The following EPHA6 variants were observed in gnomAD, a reference collection of about 807,000 sequenced individuals.
The protein encoded by EPHA6 is ephrin type-A receptor 6.
In EPHA6, 50 loss-of-function variants were observed where a neutral mutation model predicts 112.0. The observed-to-expected ratio is 0.45, with a 90% CI of 0.36 to 0.56. The LOEUF (loss-of-function observed/expected upper bound fraction) is 0.56, where lower values mean the gene tolerates loss of function less well. EPHA6 is among the 20% of genes least tolerant of loss of function. EPHA6 has a pLI of 0.00. For missense variants in EPHA6, 1,280 were observed against 1,417.4 expected (o/e 0.90, Z 1.56); for synonymous variants, 529 against 490.7 (o/e 1.08, Z -1.03).
intron 3 of EPHA6, among the ~76,000 whole-genome samples, chr3:97,082,004 A>T (rs867448194): frequency 6.6e-6 from 1 of 151,864 alleles, no homozygotes; most frequent in African/African-American, 2.4e-5. Flanking sequence ...TAAAATAAGC[A>T]TATATCATTT....
At chr3:97,577,708 GA>G (rs1024267510) in intron 11 of EPHA6, among the ~76,000 whole-genome samples, 23 of 152,082 alleles carry the variant, frequency 1.5e-4, no homozygotes, top group African/African-American at 5.1e-4. Flanking sequence ...TAGATAATAG[GA>G]AAAGCAAAAA....
chr3:97,261,945 C>T (rs1210631881), intron 5 of EPHA6, among the ~76,000 whole-genome samples: 1 of 152,142 alleles, frequency 6.6e-6, no homozygotes, highest in African/African-American at 2.4e-5. Flanking sequence ...AGAGTGAGCT[C>T]TTAACCATTA....
intron 5 of EPHA6, among the ~76,000 whole-genome samples, chr3:97,353,213 A>T (rs1349655400): frequency 6.6e-6 from 1 of 151,804 alleles, no homozygotes; most frequent in Admixed American, 6.6e-5. Flanking sequence ...GACCCAGCGC[A>T]TTCCCAGTGG....
intron 3 of EPHA6, among the ~76,000 whole-genome samples, chr3:97,047,271 C>A (rs1218087174): frequency 6.6e-6 from 1 of 151,714 alleles, no homozygotes; most frequent in Admixed American, 6.6e-5. Flanking sequence ...GAGGCCAAGG[C>A]GGGTGGATCA....
At chr3:97,407,116 G>A (rs950451187) in intron 6 of EPHA6, among the ~76,000 whole-genome samples, 1 of 151,752 alleles carries the variant, frequency 6.6e-6, no homozygotes, top group Non-Finnish European at 1.5e-5. Flanking sequence ...TCTAAGTTAG[G>A]ATAAATCATA....
At chr3:97,600,435 C>A (rs561944416) in intron 12 of EPHA6, among the ~76,000 whole-genome samples, 1 of 151,116 alleles carries the variant, frequency 6.6e-6, no homozygotes, top group Non-Finnish European at 1.5e-5. Context: ...TTTTGAAATA[C>A]GTCCCATCAA....
intron 10 of EPHA6, among the ~76,000 whole-genome samples, chr3:97,491,148 G>T (rs1251013045): frequency 6.6e-6 from 1 of 152,094 alleles, no homozygotes; most frequent in Non-Finnish European, 1.5e-5. Context: ...CCATAAATAT[G>T]ATACTAGACC....
At chr3:97,395,379 G>A (rs1188093364) in intron 5 of EPHA6, among the ~76,000 whole-genome samples, 1 of 151,690 alleles carries the variant, frequency 6.6e-6, no homozygotes, top group East Asian at 1.9e-4. Context: ...ACAAAATATA[G>A]GTCAGAAGTA....
rs376915699 is a variant in EPHA6 at position 96,885,335 on chromosome 3, T to C, written c.450+18446T>C. Among the ~76,000 whole-genome samples, 133 of 152,282 alleles carry C rather than the reference T, an allele frequency of 8.7e-4. 5 individuals are homozygous for C. The South Asian group carries it at 0.027, about 31-fold the overall frequency. On this transcript the variant is annotated intron_variant, in intron 2 of 17. Coordinates refer to ENST00000389672, the MANE Select transcript of EPHA6 (RefSeq NM_001080448.3). ...CTTCTTTGAATGTCTGGTGGAATTC[T>C]GCTGTAAATCCCTCTTGTCCTGAAC...
At chr3:97,575,639 A>G (rs903351380) in intron 11 of EPHA6, among the ~76,000 whole-genome samples, 2 of 152,206 alleles carry the variant, frequency 1.3e-5, no homozygotes, top group African/African-American at 4.8e-5. Context: ...TAGTTTGTGT[A>G]TTATAGTGTG....
intron 14 of EPHA6, among the ~76,000 whole-genome samples, chr3:97,642,320 T>A (rs2094015464): frequency 9.0e-6 from 1 of 111,070 alleles, no homozygotes; most frequent in Non-Finnish European, 1.9e-5. Flanking sequence ...CAAAAGTAGA[T>A]AAAACCACAA....
At chr3:97,144,657 C>T (rs2075995327) in intron 3 of EPHA6, among the ~76,000 whole-genome samples, 1 of 151,382 alleles carries the variant, frequency 6.6e-6, no homozygotes, top group Non-Finnish European at 1.5e-5. Flanking sequence ...TTTTCTTCTA[C>T]AGTGATTTTA....
chr3:97,206,671 T>G (rs2077720955), intron 3 of EPHA6, among the ~76,000 whole-genome samples: 1 of 152,158 alleles, frequency 6.6e-6, no homozygotes, highest in Middle Eastern at 3.4e-3. Context: ...CGCCAATGAG[T>G]TATTTAATCT....
chr3:97,375,703 C>T (rs578196537), intron 5 of EPHA6, among the ~76,000 whole-genome samples: 3 of 152,076 alleles, frequency 2.0e-5, no homozygotes, highest in East Asian at 3.9e-4. Context: ...ACAGATATAA[C>T]ATTAATGCTT....
At chr3:97,735,802 G>T in intron 15 of EPHA6, 123 bp from the exon 16 acceptor site, 6 of 646,132 alleles carry the variant, frequency 9.3e-6, no homozygotes, top group Non-Finnish European at 1.5e-5. Flanking sequence ...TTAGGTCCTT[G>T]TACTCACAAG....
intron 7 of EPHA6, among the ~76,000 whole-genome samples, chr3:97,453,618 G>A (rs2090592252): frequency 6.6e-6 from 1 of 151,604 alleles, no homozygotes; most frequent in Non-Finnish European, 1.5e-5. Flanking sequence ...CTACATTATA[G>A]TGGGTATTTC....
chr3:96,904,050 G>A (rs1432666480), intron 2 of EPHA6, among the ~76,000 whole-genome samples: 12 of 152,032 alleles, frequency 7.9e-5, no homozygotes, highest in East Asian at 3.9e-4. Context: ...TCAGTGTGGC[G>A]ATTCCTCAGG....
At chr3:97,696,588 C>A (rs973657219) in intron 14 of EPHA6, among the ~76,000 whole-genome samples, 1 of 152,110 alleles carries the variant, frequency 6.6e-6, no homozygotes, top group African/African-American at 2.4e-5. Context: ...GCTGGCCCCA[C>A]CTCATAAGAA....
chr3:97,324,465 C>CTTTCTT (rs1194102252), intron 5 of EPHA6, among the ~76,000 whole-genome samples: 6 of 133,824 alleles, frequency 4.5e-5, no homozygotes, highest in Non-Finnish European at 6.5e-5. Flanking sequence ...TTCTTTCTTT[C>CTTTCTT]TTTCTTTTTC....
Sources: allele counts gnomAD v4.1 joint callset (sites outside exome capture counted in the v4.1 genomes callset), GRCh38; gene constraint gnomAD v4.1.1; transcripts MANE v1.5; gene names NCBI Gene and HGNC (gene_info 2026-07-23, HGNC 2026-07-21).